The following LRRTM4 variants were observed in gnomAD, a reference collection of about 807,000 sequenced individuals.
LRRTM4 encodes the protein leucine-rich repeat transmembrane neuronal protein 4.
LRRTM4 carries 25 observed loss-of-function variants against 47.6 expected under a neutral mutation model. The ratio of observed to expected loss-of-function variants is 0.53; its 90% CI spans 0.38 to 0.73. The LOEUF is 0.73. Ranked by LOEUF, LRRTM4 falls within the 30% of genes least tolerant of loss-of-function variation. The pLI is 0.00. For synonymous variants in LRRTM4, 311 were observed against 269.5 expected, an observed-to-expected ratio of 1.15 and a Z score of -1.51; for missense variants, 638 against 713.4, an observed-to-expected ratio of 0.89 and a Z score of 1.20.
intron 3 of LRRTM4, among the ~76,000 whole-genome samples, chr2:77,206,155 A>G (rs1274647388): frequency 6.7e-6 from 1 of 149,816 alleles, no homozygotes. Flanking sequence ...CTTCTTTGCC[A>G]ATACACTGTA....
chr2:76,779,238 T>C (rs1356801390), intron 3 of LRRTM4, among the ~76,000 whole-genome samples: 3 of 152,024 alleles, frequency 2.0e-5, no homozygotes, highest in African/African-American at 4.8e-5. Flanking sequence ...GTATATTGTG[T>C]TGATTTGGGG....
intron 3 of LRRTM4, among the ~76,000 whole-genome samples, chr2:76,787,493 C>G (rs367546434): frequency 1.3e-5 from 2 of 151,756 alleles, no homozygotes; most frequent in East Asian, 3.9e-4. Context: ...TATTTAATAA[C>G]TGGGTGTTCA....
intron 3 of LRRTM4, among the ~76,000 whole-genome samples, chr2:77,054,716 G>C (rs1679546570): frequency 6.6e-6 from 1 of 152,148 alleles, no homozygotes; most frequent in East Asian, 1.9e-4. Flanking sequence ...AAGAATCATG[G>C]TTTATAAAAG....
At chr2:77,380,134 A>G (rs954765282) in intron 3 of LRRTM4, among the ~76,000 whole-genome samples, 1 of 152,152 alleles carries the variant, frequency 6.6e-6, no homozygotes, top group Non-Finnish European at 1.5e-5. Context: ...CTTGTGACTT[A>G]CTTTACAACA....
intron 3 of LRRTM4, among the ~76,000 whole-genome samples, chr2:76,990,920 T>TA (rs944185241): frequency 7.9e-5 from 12 of 151,096 alleles, no homozygotes; most frequent in African/African-American, 2.4e-4. Flanking sequence ...CTCAGTAAAT[T>TA]AAAAAAAATC....
intron 3 of LRRTM4, among the ~76,000 whole-genome samples, chr2:77,457,004 G>GTGTGTATATA (rs1192297417): frequency 4.3e-5 from 1 of 23,186 alleles, no homozygotes; most frequent in African/African-American, 2.3e-4. Flanking sequence ...GTGTGTGTGT[G>GTGTGTATATA]TATATATATA....
chr2:76,857,968 A>T (rs2103997133), intron 3 of LRRTM4, among the ~76,000 whole-genome samples: 1 of 152,264 alleles, frequency 6.6e-6, no homozygotes, highest in South Asian at 2.1e-4. Flanking sequence ...GCCTCAGGCA[A>T]TTCTTGTCAC....
chr2:76,766,984 A>G (rs1342460357), intron 3 of LRRTM4, among the ~76,000 whole-genome samples: 13 of 152,214 alleles, frequency 8.5e-5, no homozygotes, highest in Admixed American at 7.9e-4. Context: ...CTTCACAGCT[A>G]CAGCTCCTAC....
At chr2:76,783,536 C>A (rs1336888375) in intron 3 of LRRTM4, among the ~76,000 whole-genome samples, 1 of 152,112 alleles carries the variant, frequency 6.6e-6, no homozygotes, top group East Asian at 1.9e-4. Context: ...AGGCGTAACT[C>A]CCCGTATTCT....
At chr2:77,050,045 T>C (rs1224446809) in intron 3 of LRRTM4, among the ~76,000 whole-genome samples, 1 of 151,702 alleles carries the variant, frequency 6.6e-6, no homozygotes, top group Non-Finnish European at 1.5e-5. Flanking sequence ...TTCTAATTTA[T>C]AAACACTTGT....
At chr2:76,870,512 A>G (rs1007294824) in intron 3 of LRRTM4, among the ~76,000 whole-genome samples, 8 of 152,156 alleles carry the variant, frequency 5.3e-5, no homozygotes, top group African/African-American at 1.9e-4. Flanking sequence ...ATGGAGCAAT[A>G]TGTCAAGCTT....
intron 3 of LRRTM4, among the ~76,000 whole-genome samples, chr2:77,409,150 T>C (rs1453208738): frequency 2.6e-5 from 4 of 152,224 alleles, no homozygotes; most frequent in African/African-American, 4.8e-5. Flanking sequence ...AGGATTAATA[T>C]TATAACTAAA....
At chr2:76,930,955 C>T (rs1674749676) in intron 3 of LRRTM4, among the ~76,000 whole-genome samples, 1 of 152,096 alleles carries the variant, frequency 6.6e-6, no homozygotes, top group African/African-American at 2.4e-5. Flanking sequence ...AAGAATATTT[C>T]ACACCAGTCC....
intron 3 of LRRTM4, among the ~76,000 whole-genome samples, chr2:77,221,069 G>C (rs1208836242): frequency 6.6e-6 from 1 of 152,154 alleles, no homozygotes; most frequent in Non-Finnish European, 1.5e-5. Flanking sequence ...TTAAAGAAAA[G>C]AATTTTCAAC....
chr2:77,042,299 C>CGAA (rs1679060619), intron 3 of LRRTM4, among the ~76,000 whole-genome samples: 2 of 151,466 alleles, frequency 1.3e-5, no homozygotes, highest in Non-Finnish European at 3.0e-5. Context: ...AGAAAGAAAT[C>CGAA]AACACAGCAG....
chr2:76,881,162 T>C (rs541067973), intron 3 of LRRTM4, among the ~76,000 whole-genome samples: 1 of 152,318 alleles, frequency 6.6e-6, no homozygotes, highest in South Asian at 2.1e-4. Flanking sequence ...CAGATCACTA[T>C]AAATTGTGTA....
At chr2:77,252,179 C>G (rs185643036) in intron 3 of LRRTM4, among the ~76,000 whole-genome samples, 6 of 152,116 alleles carry the variant, frequency 3.9e-5, no homozygotes, top group African/African-American at 1.4e-4. Flanking sequence ...TATCTAAGAC[C>G]TGAGATAGGG....
intron 3 of LRRTM4, among the ~76,000 whole-genome samples, chr2:76,820,357 AATAAGAC>A (rs1671018726): frequency 6.6e-6 from 1 of 151,804 alleles, no homozygotes; most frequent in African/African-American, 2.4e-5. Flanking sequence ...AAATTAGAAG[AATAAGAC>A]TCAAGGCTAG....
chr2:77,017,173 CCA>C (rs1007332341), intron 3 of LRRTM4, among the ~76,000 whole-genome samples: 16 of 152,106 alleles, frequency 1.1e-4, no homozygotes, highest in African/African-American at 3.9e-4. Flanking sequence ...GACATCACGG[CCA>C]CAGAGATAAA....
Sources: gnomAD v4.1 joint callset for allele counts (sites outside exome capture counted in the v4.1 genomes callset) on GRCh38, gnomAD v4.1.1 for gene constraint, MANE v1.5 for transcripts, NCBI Gene and HGNC (gene_info 2026-07-23, HGNC 2026-07-21) for gene names.